Variants in RIC8B observed in about 807,000 individuals in gnomAD.
RIC8B encodes chaperone Ric-8B.
RIC8B carries 16 observed loss-of-function variants against 57.5 expected under a neutral mutation model. That is an observed-to-expected ratio of 0.28 (90% confidence interval 0.19 to 0.42). RIC8B has a LOEUF of 0.42. Among genes scored for constraint, RIC8B ranks in the 10% least tolerant of loss-of-function variants. The pLI, the probability that RIC8B is intolerant of heterozygous loss-of-function variation, is 1.00. For missense variants in RIC8B, 481 were observed against 677.0 expected (o/e 0.71, Z 3.21); for synonymous variants, 216 against 250.8 (o/e 0.86, Z 1.31).
chr12:106,859,377 A>G (rs1403207014), intron 7 of RIC8B, among the ~76,000 whole-genome samples: 1 of 152,104 alleles, frequency 6.6e-6, no homozygotes, highest in Non-Finnish European at 1.5e-5. Flanking sequence ...ATCTTAAGAG[A>G]GACATCACCT....
chr12:106,792,924 C>T (rs770239628), intron 2 of RIC8B, among the ~76,000 whole-genome samples: 22 of 152,192 alleles, frequency 1.4e-4, no homozygotes, highest in South Asian at 2.1e-4. Flanking sequence ...GAAGAATATA[C>T]GGTTCCCTTT....
intron 7 of RIC8B, among the ~76,000 whole-genome samples, chr12:106,854,281 G>A (rs569495637): frequency 5.9e-5 from 9 of 151,750 alleles, no homozygotes; most frequent in Non-Finnish European, 1.0e-4. Flanking sequence ...ACAGTAATCA[G>A]ATTTTGGAAT....
At chr12:106,819,282 T>C (rs2045728959) in intron 3 of RIC8B, among the ~76,000 whole-genome samples, 1 of 152,162 alleles carries the variant, frequency 6.6e-6, no homozygotes, top group African/African-American at 2.4e-5. Context: ...CCCTCTCACT[T>C]TAAATAAAGA....
In RIC8B at chr12:106,829,072, C is replaced by T. The variant is rs11113125; in HGVS notation, c.836+3252C>T. ...GACATAGAGATGAAATGAGTTAGCT[C>T]GTAAAGACAGCAGACCTTGACCTTC... On this transcript the variant is annotated intron_variant, in intron 4 of 9. Coordinates refer to ENST00000392837, the MANE Select transcript of RIC8B (RefSeq NM_001330145.2). Among the ~76,000 whole-genome samples the T allele has an allele frequency of 2.6e-5, 4 of 152,282 alleles. No individual in the cohort carries two copies. The East Asian group carries it at 7.7e-4, about 29-fold the overall frequency.
Position 106,871,003 on chromosome 12 carries a change from C to G in RIC8B, c.1571+61C>G, listed in dbSNP as rs985452887. 8 of 1,496,274 alleles carry G rather than the reference C, an allele frequency of 5.3e-6. No individual in the cohort carries two copies. The Admixed American group carries it at 8.3e-5, about 15-fold the overall frequency. 92.7% of individuals were successfully genotyped at this position (1,496,274 alleles called of 1,614,324 possible). Reference sequence around the variant, plus strand: ...AAAAATGGTCTATTTCTTTGTCTCTCTCACTGAGAGTTACCATAGAACAGC... The same window carrying G: ...AAAAATGGTCTATTTCTTTGTCTCTGTCACTGAGAGTTACCATAGAACAGC... On this transcript the variant is annotated intron_variant, in intron 9 of 9. Coordinates refer to ENST00000392837, the MANE Select transcript of RIC8B (RefSeq NM_001330145.2).
intron 6 of RIC8B, among the ~76,000 whole-genome samples, chr12:106,849,284 ATAGT>A (rs1209895936): frequency 4.2e-5 from 6 of 143,354 alleles, no homozygotes; most frequent in African/African-American, 1.1e-4. Flanking sequence ...TTCTTTTTAA[ATAGT>A]TTATTTATTT....
chr12:106,828,653 G>C (rs1429941745), intron 4 of RIC8B, among the ~76,000 whole-genome samples: 4 of 152,160 alleles, frequency 2.6e-5, no homozygotes, highest in Non-Finnish European at 5.9e-5. Flanking sequence ...CTCTTCCCTG[G>C]CAATGAGAAA....
intron 2 of RIC8B, among the ~76,000 whole-genome samples, chr12:106,813,485 C>T (rs1197502786): frequency 1.3e-5 from 2 of 152,122 alleles, no homozygotes; most frequent in Non-Finnish European, 2.9e-5. Flanking sequence ...CCACTGCGTC[C>T]AGCCTTCTAT....
rs140014872 is a variant in RIC8B at position 106,780,356 on chromosome 12, T to C, written c.85-3641T>C. 1.7e-4 allele frequency among the ~76,000 whole-genome samples: 26 copies of C among 152,262 alleles called. 1 individual carries two copies. The highest frequency in any genetic ancestry group is 5.8e-4 in the African/African-American group (24 of 41,550). ...GGTATTTAAGATACAGACAGATAGG[T>C]AGGTCTCTAGTAGTAGTCCTCTTAG... On this transcript the variant is annotated intron_variant, in intron 1 of 9. Transcript: ENST00000392837.
At chr12:106,789,834 A>G (rs1347601824) in intron 2 of RIC8B, among the ~76,000 whole-genome samples, 1 of 152,112 alleles carries the variant, frequency 6.6e-6, no homozygotes, top group Non-Finnish European at 1.5e-5. Flanking sequence ...ATTTTTTGGT[A>G]AACTACATTG....
At chr12:106,776,474 AC>A (rs2043492121) in intron 1 of RIC8B, among the ~76,000 whole-genome samples, 1 of 152,238 alleles carries the variant, frequency 6.6e-6, no homozygotes, top group Admixed American at 6.5e-5. Context: ...TATGCCAGAT[AC>A]CCAGCAATAA....
Position 106,869,669 on chromosome 12 carries a change from A to T in RIC8B, c.1452-1154A>T, listed in dbSNP as rs377133814. Among the ~76,000 whole-genome samples, 6 of 152,328 alleles carry T rather than the reference A, an allele frequency of 3.9e-5. No individual in the cohort carries two copies. The East Asian group carries it at 1.2e-3, about 29-fold the overall frequency. Reference sequence around the variant, plus strand: ...AAAAACAAACTATCTGCTAGGCGCCATGGCTTATGGCTCTAATCCCAGCAC... The same window carrying T: ...AAAAACAAACTATCTGCTAGGCGCCTTGGCTTATGGCTCTAATCCCAGCAC... On this transcript the variant is annotated intron_variant, in intron 8 of 9. Transcript: ENST00000392837.
chr12:106,778,504 T>C (rs2043594690), intron 1 of RIC8B, among the ~76,000 whole-genome samples: 1 of 152,238 alleles, frequency 6.6e-6, no homozygotes, highest in Non-Finnish European at 1.5e-5. Context: ...TAACATTTAT[T>C]GAGTGCCTGC....
chr12:106,806,764 A>G (rs1481712520), intron 2 of RIC8B, among the ~76,000 whole-genome samples: 3 of 152,160 alleles, frequency 2.0e-5, no homozygotes, highest in African/African-American at 7.2e-5. Context: ...CGGGAGGCGG[A>G]GATTGCACGC....
At chr12:106,862,647 T>G (rs553006885) in intron 8 of RIC8B, among the ~76,000 whole-genome samples, 1 of 152,236 alleles carries the variant, frequency 6.6e-6, no homozygotes, top group South Asian at 2.1e-4. Context: ...TGTGATGCAT[T>G]TATTCACAAC....
chr12:106,823,620 AATATG>A lies in RIC8B; in HGVS notation c.742-2103_742-2099del, dbSNP rs796504620. On this transcript the variant is annotated intron_variant, in intron 3 of 9. Transcript: ENST00000392837. ...CTAGTTAATTTTTAAAACTAAGGGA[AATATG>A]ATCTTATCAAGAGTTAAGTAATGAA... Among the ~76,000 whole-genome samples the A allele has an allele frequency of 2.0e-4, 30 of 152,342 alleles. 1 individual carries two copies. Among genetic ancestry groups the A allele is most frequent in the African/African-American group, 7.0e-4 (29 of 41,586 alleles).
At chr12:106,866,315 G>T (rs1479851367) in intron 8 of RIC8B, among the ~76,000 whole-genome samples, 1 of 152,104 alleles carries the variant, frequency 6.6e-6, no homozygotes, top group Admixed American at 6.6e-5. Context: ...AGGATACCAA[G>T]AAAATTGAGT....
Position 106,774,805 on chromosome 12 carries a change from G to A in RIC8B, c.60G>A (p.Arg20=), listed in dbSNP as rs1317944524. Residue 20 remains arginine (R), a synonymous_variant, in exon 1 of 10, where the codon CGG becomes CGA. Transcript: ENST00000392837. ...VRAGEAGAIE[R]VLRDYSDKHR... is the part of the protein sequence containing the mutation. ...CCGGCGAAGCAGGGGCTATCGAGCGGGTCCTGAGGGATTACAGCGACAAGG... is the reference window on the plus strand; with the variant it reads ...CCGGCGAAGCAGGGGCTATCGAGCGAGTCCTGAGGGATTACAGCGACAAGG... 2 of 1,554,112 alleles carry A rather than the reference G, an allele frequency of 1.3e-6. No individual in the cohort carries two copies. The highest frequency in any genetic ancestry group is 1.7e-4 in the Middle Eastern group (1 of 5,994).
At chr12:106,788,261 GT>G (rs767888174) in intron 2 of RIC8B, among the ~76,000 whole-genome samples, 5 of 152,212 alleles carry the variant, frequency 3.3e-5, no homozygotes, top group Admixed American at 6.5e-5. Flanking sequence ...CTCCACGCCT[GT>G]GGCTTTGCAG....
Sources: gnomAD v4.1 joint callset for allele counts (sites outside exome capture counted in the v4.1 genomes callset) on GRCh38, gnomAD v4.1.1 for gene constraint, MANE v1.5 for transcripts, NCBI Gene and HGNC (gene_info 2026-07-23, HGNC 2026-07-21) for gene names.